PDZRN4: variants seen among roughly 807,000 people sequenced by gnomAD.
PDZRN4 encodes the protein PDZ domain containing ring finger 4.
PDZRN4 carries 70 observed loss-of-function variants against 99.0 expected under a neutral mutation model. The ratio of observed to expected loss-of-function variants is 0.71; its 90% CI spans 0.58 to 0.86. The LOEUF (loss-of-function observed/expected upper bound fraction) is 0.86. PDZRN4 is among the 40% of genes least tolerant of loss of function. The pLI, the probability that PDZRN4 is intolerant of heterozygous loss-of-function variation, is 0.00. For synonymous variants in PDZRN4, 551 were observed against 501.6 expected, an observed-to-expected ratio of 1.10 and a Z score of -1.32; for missense variants, 1,474 against 1,331.2, an observed-to-expected ratio of 1.11 and a Z score of -1.67.
At chr12:41,205,393 T>C (rs1466299577) in intron 3 of PDZRN4, among the ~76,000 whole-genome samples, 2 of 151,892 alleles carry the variant, frequency 1.3e-5, no homozygotes, top group Non-Finnish European at 2.9e-5. Flanking sequence ...GGATAAAATG[T>C]AAGGTTCTTA....
At chr12:41,447,745 G>T (rs1349853913) in intron 3 of PDZRN4, among the ~76,000 whole-genome samples, 1 of 152,066 alleles carries the variant, frequency 6.6e-6, no homozygotes, top group Non-Finnish European at 1.5e-5. Context: ...AGGACACCTG[G>T]AGTTCAAACC....
intron 3 of PDZRN4, among the ~76,000 whole-genome samples, chr12:41,448,548 T>C (rs1218405640): frequency 6.6e-6 from 1 of 152,132 alleles, no homozygotes; most frequent in Non-Finnish European, 1.5e-5. Flanking sequence ...TACCATCCCA[T>C]GCAGTGTATG....
chr12:41,501,322 A>G (rs1456797714), intron 3 of PDZRN4, among the ~76,000 whole-genome samples: 1 of 152,142 alleles, frequency 6.6e-6, no homozygotes, highest in Non-Finnish European at 1.5e-5. Context: ...AAGAAAATCA[A>G]AAAAGGCTGT....
At chr12:41,349,955 G>T (rs1042405629) in intron 3 of PDZRN4, among the ~76,000 whole-genome samples, 4 of 151,208 alleles carry the variant, frequency 2.6e-5, no homozygotes, top group African/African-American at 9.8e-5. Flanking sequence ...CACATGGTTG[G>T]AGTAAAGGGT....
At chr12:41,457,953 G>T (rs752864285) in intron 3 of PDZRN4, among the ~76,000 whole-genome samples, 1 of 152,126 alleles carries the variant, frequency 6.6e-6, no homozygotes, top group African/African-American at 2.4e-5. Context: ...ATTATATAGT[G>T]AGACAAAATA....
chr12:41,500,285 T>C (rs1331752660), intron 3 of PDZRN4, among the ~76,000 whole-genome samples: 1 of 151,902 alleles, frequency 6.6e-6, no homozygotes, highest in African/African-American at 2.4e-5. Flanking sequence ...ATTTTGGAGC[T>C]AAGGGAAGCT....
intron 3 of PDZRN4, among the ~76,000 whole-genome samples, chr12:41,462,699 T>G (rs1201202993): frequency 6.6e-6 from 1 of 152,200 alleles, no homozygotes; most frequent in African/African-American, 2.4e-5. Flanking sequence ...AATGTGAATT[T>G]TAGATGAGGG....
intron 3 of PDZRN4, among the ~76,000 whole-genome samples, chr12:41,425,980 T>C (rs1952533100): frequency 6.6e-6 from 1 of 152,182 alleles, no homozygotes; most frequent in Non-Finnish European, 1.5e-5. Context: ...TTGAAATCTG[T>C]TTCATGAGGA....
chr12:41,470,027 T>C (rs1952971376), intron 3 of PDZRN4, among the ~76,000 whole-genome samples: 1 of 152,044 alleles, frequency 6.6e-6, no homozygotes, highest in South Asian at 2.1e-4. Flanking sequence ...TCTTATGGAG[T>C]CTCCCTGTGG....
At chr12:41,274,174 G>A (rs1367606) in intron 3 of PDZRN4, among the ~76,000 whole-genome samples, 18,455 of 151,970 alleles carry the variant, frequency 0.12, 1,967 homozygotes, top group African/African-American at 0.28. Flanking sequence ...TCATCCTAAT[G>A]AGTGTGTGTA....
At chr12:41,568,001 C>T (rs891621560) in intron 9 of PDZRN4, 102 bp downstream of exon 9, 3 of 672,216 alleles carry the variant, frequency 4.5e-6, no homozygotes, top group East Asian at 5.4e-5. Flanking sequence ...GGGTTTAATC[C>T]ATCATCTCTA....
intron 3 of PDZRN4, among the ~76,000 whole-genome samples, chr12:41,318,231 T>C (rs965695665): frequency 5.3e-5 from 8 of 152,166 alleles, no homozygotes; most frequent in Admixed American, 1.3e-4. Flanking sequence ...ATTTAGCATG[T>C]TTTCCTTCAT....
chr12:41,555,206 G>C (rs1374052759), intron 6 of PDZRN4, among the ~76,000 whole-genome samples: 5 of 129,064 alleles, frequency 3.9e-5, no homozygotes, highest in Non-Finnish European at 7.8e-5. Context: ...ACTCCAGCCT[G>C]AGCGACAGAG....
At chr12:41,523,779 A>G (rs1938528482) in intron 5 of PDZRN4, among the ~76,000 whole-genome samples, 1 of 152,116 alleles carries the variant, frequency 6.6e-6, no homozygotes, top group African/African-American at 2.4e-5. Flanking sequence ...GAAAGAAAGA[A>G]CCACCCACAC....
At chr12:41,364,292 G>C (rs750656635) in intron 3 of PDZRN4, among the ~76,000 whole-genome samples, 2 of 152,096 alleles carry the variant, frequency 1.3e-5, no homozygotes, top group Non-Finnish European at 2.9e-5. Flanking sequence ...TATCCAGTAA[G>C]CTTTCTGAAA....
intron 3 of PDZRN4, among the ~76,000 whole-genome samples, chr12:41,454,590 A>T (rs1027392270): frequency 3.9e-5 from 6 of 152,210 alleles, no homozygotes; most frequent in African/African-American, 1.4e-4. Context: ...CCCTTGAGGG[A>T]GACAGGAAAG....
At chr12:41,315,304 T>C (rs774896414) in intron 3 of PDZRN4, among the ~76,000 whole-genome samples, 2 of 152,170 alleles carry the variant, frequency 1.3e-5, no homozygotes, top group Non-Finnish European at 2.9e-5. Flanking sequence ...TTATTATTTC[T>C]ACTGTCATGA....
At chr12:41,390,359 AT>A (rs1565569986) in intron 3 of PDZRN4, among the ~76,000 whole-genome samples, 2 of 151,964 alleles carry the variant, frequency 1.3e-5, no homozygotes, top group East Asian at 3.9e-4. Flanking sequence ...TTGCTATACC[AT>A]TTTATTTCCG....
At chr12:41,241,358 A>T (rs894452508) in intron 3 of PDZRN4, among the ~76,000 whole-genome samples, 1 of 151,798 alleles carries the variant, frequency 6.6e-6, no homozygotes, top group Admixed American at 6.5e-5. Flanking sequence ...TTTGTTGTGC[A>T]TCTAGATTTT....
Sources: allele counts gnomAD v4.1 joint callset (sites outside exome capture counted in the v4.1 genomes callset), GRCh38; gene constraint gnomAD v4.1.1; transcripts MANE v1.5; gene names NCBI Gene and HGNC (gene_info 2026-07-23, HGNC 2026-07-21).